The following DMD variants were observed in gnomAD, a reference collection of about 807,000 sequenced individuals.
DMD encodes mutant dystrophin.
In DMD, 63 loss-of-function variants were observed where a neutral mutation model predicts 330.1. The ratio of observed to expected loss-of-function variants is 0.19; its 90% CI spans 0.16 to 0.24. DMD has a LOEUF of 0.24. DMD is among the 10% of genes least tolerant of loss of function. The pLI is 1.00. For synonymous variants in DMD, 1,223 were observed against 959.8 expected (o/e 1.27, Z -5.07); for missense variants, 3,344 against 2,684.1 (o/e 1.25, Z -5.43).
chrX:31,970,479 A>T (rs2150199036), intron 44 of DMD, among the ~76,000 whole-genome samples: 1 of 111,468 alleles, frequency 9.0e-6, no homozygotes, highest in Non-Finnish European at 1.9e-5. Context: ...GATAAAAAAA[A>T]AGCAAGGTGA....
intron 52 of DMD, among the ~76,000 whole-genome samples, chrX:31,721,016 AC>A (rs1432437675): frequency 5.4e-5 from 6 of 111,874 alleles, no homozygotes; most frequent in Non-Finnish European, 1.1e-4. Context: ...GGAAGAAAAA[AC>A]ATACTTGTTT....
chrX:32,576,885 C>T (rs183681991), intron 13 of DMD, among the ~76,000 whole-genome samples: 2 of 111,330 alleles, frequency 1.8e-5, no homozygotes, highest in East Asian at 2.8e-4. Context: ...ATCTAGGTTA[C>T]AGTTAATGAC....
intron 44 of DMD, among the ~76,000 whole-genome samples, chrX:32,107,811 T>G (rs376664727): frequency 1.8e-5 from 2 of 111,233 alleles, no homozygotes; most frequent in East Asian, 2.9e-4. Context: ...TGTAGCCCAG[T>G]CAAGTTGATG....
At chrX:31,248,239 A>C (rs1447714809) in intron 63 of DMD, among the ~76,000 whole-genome samples, 1 of 112,489 alleles carries the variant, frequency 8.9e-6, no homozygotes, top group Non-Finnish European at 1.9e-5. Flanking sequence ...AAACCAAAAC[A>C]CTTGTGTGAC....
At chrX:31,140,901 G>GAA (rs1380717242) in intron 76 of DMD, among the ~76,000 whole-genome samples, 1 of 111,862 alleles carries the variant, frequency 8.9e-6, no homozygotes, top group Non-Finnish European at 1.9e-5. Flanking sequence ...GTAACTGGCT[G>GAA]AAAACATGGC....
intron 7 of DMD, among the ~76,000 whole-genome samples, chrX:32,765,239 GT>G (rs1320605503): frequency 9.0e-6 from 1 of 110,901 alleles, no homozygotes; most frequent in African/African-American, 3.3e-5. Context: ...TTGGTGTCTG[GT>G]GGGAGGTGAT....
In DMD at chrX:31,121,194, C is replaced by CTCTT. The variant is rs1386892442; in HGVS notation, c.*721_*724dup. The stretch of plus-strand genomic sequence containing the variant: ...AAAGTCAGTCTATAGAAATTCGTAT[C>CTCTT]TCTTTATCTATATAACTATAGTATT... On this transcript the variant is annotated 3_prime_UTR_variant, in exon 79 of 79. Coordinates refer to ENST00000357033, the MANE Select transcript of DMD (RefSeq NM_004006.3). 9.0e-6 allele frequency: 1 copy of CTCTT among 111,497 alleles called. No individual in the cohort carries two copies. The highest frequency in any genetic ancestry group is 2.8e-4 in the East Asian group (1 of 3,560). 9.2% of individuals were successfully genotyped at this position (111,497 alleles called of 1,213,427 possible).
chrX:31,420,072 C>T (rs1306070418), intron 60 of DMD, among the ~76,000 whole-genome samples: 2 of 111,541 alleles, frequency 1.8e-5, no homozygotes, highest in Non-Finnish European at 3.8e-5. Context: ...TGCCTGTTGG[C>T]AAAAAAATAT....
intron 2 of DMD, among the ~76,000 whole-genome samples, chrX:32,864,050 T>A (rs1202051899): frequency 8.9e-6 from 1 of 112,761 alleles, no homozygotes; most frequent in Non-Finnish European, 1.9e-5. Context: ...CTGTCACTGC[T>A]ATGCTTTATT....
intron 69 of DMD, among the ~76,000 whole-genome samples, chrX:31,180,055 C>T (rs745655682): frequency 9.0e-6 from 1 of 111,562 alleles, no homozygotes; most frequent in Non-Finnish European, 1.9e-5. Context: ...GCCATAAGAT[C>T]GCCCCACACA....
intron 60 of DMD, among the ~76,000 whole-genome samples, chrX:31,437,219 T>C (rs2064595085): frequency 8.9e-6 from 1 of 112,298 alleles, no homozygotes; most frequent in Non-Finnish European, 1.9e-5. Context: ...GTATGCTTTG[T>C]AACACAACTG....
intron 1 of DMD, among the ~76,000 whole-genome samples, chrX:33,032,447 G>T: frequency 8.9e-6 from 1 of 111,753 alleles, no homozygotes. Context: ...AGTAAATGTG[G>T]CCCATAGAAT....
chrX:32,430,595 T>G (rs893126435), intron 29 of DMD, among the ~76,000 whole-genome samples: 1 of 111,878 alleles, frequency 8.9e-6, no homozygotes, highest in Non-Finnish European at 1.9e-5. Context: ...TCTATCCTCT[T>G]AGCAAAGTTT....
intron 29 of DMD, among the ~76,000 whole-genome samples, chrX:32,421,389 T>C (rs891253473): frequency 1.8e-5 from 2 of 111,666 alleles, no homozygotes; most frequent in African/African-American, 6.5e-5. Flanking sequence ...TCTGATATGA[T>C]TCATTTGGAT....
intron 46 of DMD, 44 bp from the exon 47 acceptor site, chrX:31,929,789 C>A: frequency 8.4e-7 from 1 of 1,193,492 alleles, no homozygotes; most frequent in Non-Finnish European, 1.1e-6. Context: ...AATTACAGCA[C>A]AATTCCAACT....
chrX:32,794,060 G>A (rs1185379005), intron 7 of DMD, among the ~76,000 whole-genome samples: 1 of 111,259 alleles, frequency 9.0e-6, no homozygotes, highest in Non-Finnish European at 1.9e-5. Context: ...AATGATACAA[G>A]GATACATCAT....
chrX:32,422,935 A>C (rs1471999636), intron 29 of DMD, among the ~76,000 whole-genome samples: 1 of 111,512 alleles, frequency 9.0e-6, no homozygotes, highest in African/African-American at 3.2e-5. Context: ...ATGAATATGT[A>C]CCCTCAGAAC....
chrX:31,507,351 G>C lies in DMD; in HGVS notation c.8320C>G (p.Leu2774Val), dbSNP rs1361561522. The change falls in exon 56 of 79, where the codon CTG (leucine) becomes GTG (valine). Residue 2774 changes from leucine (L) to valine (V), a missense_variant. Transcript: ENST00000357033. ...ATGTTATCCAAACGTCTTTGTAACA[G>C]GACTGCATCATCGGAACCTTCCAGG... ...RSLEGSDDAVLLQRRLDNMNF... is the reference protein window; with the variant it reads ...RSLEGSDDAVVLQRRLDNMNF... 8.3e-7 allele frequency: 1 copy of C among 1,211,386 alleles called. No individual in the cohort carries two copies. The highest frequency in any genetic ancestry group is 3.0e-5 in the East Asian group (1 of 33,831).
chrX:31,203,583 A>C (rs2043751152), intron 67 of DMD, among the ~76,000 whole-genome samples: 1 of 112,409 alleles, frequency 8.9e-6, no homozygotes, highest in Admixed American at 9.4e-5. Flanking sequence ...AGCCATTGAA[A>C]GGAGGCTATA....
Sources: allele counts gnomAD v4.1 joint callset (sites outside exome capture counted in the v4.1 genomes callset), GRCh38; gene constraint gnomAD v4.1.1; transcripts MANE v1.5; gene names NCBI Gene and HGNC (gene_info 2026-07-23, HGNC 2026-07-21).